Variants in WDR73 observed in about 807,000 individuals in gnomAD.
The protein encoded by WDR73 is WD repeat domain 73.
Under a neutral mutation model 38.2 loss-of-function variants are expected in WDR73, and 30 were observed. That is an observed-to-expected ratio of 0.79 (90% CI 0.59 to 1.06). The LOEUF is 1.06. Among genes scored for constraint, WDR73 ranks in the 50% least tolerant of loss-of-function variants. The pLI is 0.00. For missense variants in WDR73, 487 were observed against 467.0 expected, an observed-to-expected ratio of 1.04 and a Z score of -0.40; for synonymous variants, 197 against 176.0, an observed-to-expected ratio of 1.12 and a Z score of -0.94.
intron 3 of WDR73, among the ~76,000 whole-genome samples, chr15:84,649,860 C>T (rs1896572254): frequency 6.6e-6 from 1 of 152,166 alleles, no homozygotes; most frequent in Non-Finnish European, 1.5e-5. Flanking sequence ...TCCACCGCCT[C>T]AGCTTCAAAA....
At chr15:84,647,438 T>G (rs1896496970) in intron 5 of WDR73, 1 of 165,718 alleles carries the variant, frequency 6.0e-6, no homozygotes, top group Non-Finnish European at 1.3e-5. Context: ...CATGCTATGG[T>G]TGCTAATTCA....
chr15:84,648,805 T>G (rs548802458), intron 3 of WDR73, among the ~76,000 whole-genome samples, 180 bp from the exon 4 acceptor site: 15 of 152,306 alleles, frequency 9.8e-5, no homozygotes, highest in African/African-American at 3.6e-4. Flanking sequence ...ACGTACAGCT[T>G]CCTTTTTCCT....
In WDR73 at chr15:84,642,615, TACC is replaced by T. The variant is rs1896297130; in HGVS notation, c.*852_*854del. On this transcript the variant is annotated 3_prime_UTR_variant, in exon 8 of 8. Coordinates refer to ENST00000434634, the MANE Select transcript of WDR73 (RefSeq NM_032856.5). ...TTGAATAGCTGGGACTGCAGGCTCATACCACCACAACCAGCTAACTTGTATTTT... is the reference window on the plus strand; with the variant it reads ...TTGAATAGCTGGGACTGCAGGCTCATACCACAACCAGCTAACTTGTATTTT... 1 of 151,830 alleles carries T rather than the reference TACC, an allele frequency of 6.6e-6. No individual in the cohort carries two copies. Among genetic ancestry groups the T allele is most frequent in the African/African-American group, 2.4e-5 (1 of 41,268 alleles). 9.4% of individuals were successfully genotyped at this position (151,830 alleles called of 1,614,324 possible).
intron 7 of WDR73, chr15:84,645,219 A>G: frequency 7.3e-7 from 1 of 1,377,550 alleles, no homozygotes; most frequent in Non-Finnish European, 9.4e-7. Flanking sequence ...TACTGTCTGC[A>G]GGCCCCTCCA....
rs1213919990 is a variant in WDR73 at position 84,640,094 on chromosome 15, G to A, written c.*3376C>T. 2 of 152,116 alleles carry A rather than the reference G, an allele frequency of 1.3e-5. No individual in the cohort carries two copies. The highest frequency in any genetic ancestry group is 2.4e-5 in the African/African-American group (1 of 41,388). 9.4% of individuals were successfully genotyped at this position (152,116 alleles called of 1,614,324 possible). A position where few individuals can be genotyped will look rare whatever the true frequency, so the allele number is the denominator to read the frequency against. On this transcript the variant is annotated 3_prime_UTR_variant, in exon 8 of 8. Coordinates refer to ENST00000434634, the MANE Select transcript of WDR73 (RefSeq NM_032856.5). ...TAGCACTAGAAGATGTGGCGGGATG[G>A]TAATGAAATAGTGGAGGAGTCTCAA...
intron 1 of WDR73, 156 bp from the exon 2 acceptor site, chr15:84,653,855 G>C: frequency 1.5e-6 from 1 of 673,912 alleles, no homozygotes. Context: ...TCTGGGACCA[G>C]GCCAGTCCCT....
Position 84,652,759 on chromosome 15 carries a change from A to G in WDR73, c.153T>C (p.Ile51=). The part of the protein sequence containing the change: ...AGYESLKKNE[I]LHLKLPLRLS... ...GTCTGAGAGGTAATTTCAGATGAAG[A>G]ATTTCATTCTTTTTCAGGCTTTCAT... The change falls in exon 3 of 8, where the codon ATT becomes ATC. Residue 51 remains isoleucine, a synonymous_variant. Coordinates refer to ENST00000434634, the MANE Select transcript of WDR73 (RefSeq NM_032856.5). The G allele has an allele frequency of 6.5e-7, 1 of 1,540,286 alleles. No homozygotes were observed.
Position 84,640,198 on chromosome 15 carries a change from C to T in WDR73, c.*3272G>A, listed in dbSNP as rs1226491737. 1.3e-5 allele frequency: 2 copies of T among 152,166 alleles called. No individual in the cohort carries two copies. The highest frequency in any genetic ancestry group is 2.9e-5 in the Non-Finnish European group (2 of 68,068). 9.4% of individuals were successfully genotyped at this position (152,166 alleles called of 1,614,324 possible). ...CTCTCCCCCACAATGGACCTCAGAGCAGTGGGAGCGACGCAGTCCTGTGGG... is the reference window on the plus strand; with the variant it reads ...CTCTCCCCCACAATGGACCTCAGAGTAGTGGGAGCGACGCAGTCCTGTGGG... On this transcript the variant is annotated 3_prime_UTR_variant, in exon 8 of 8. Coordinates refer to ENST00000434634, the MANE Select transcript of WDR73 (RefSeq NM_032856.5).
rs75224160 is a variant in WDR73, at chr15:84,651,593, T to A, written c.198+1121A>T. On this transcript the variant is annotated intron_variant, in intron 3 of 7. Coordinates refer to ENST00000434634, the MANE Select transcript of WDR73 (RefSeq NM_032856.5). ...TCTATTCCTGGAAGCAGGAGCGTGT[T>A]CCCTGTGATATTCCCTCATTTTCAC... is the stretch of plus-strand genomic sequence containing the variant. Among the ~76,000 whole-genome samples the A allele has an allele frequency of 4.6e-4, 70 of 152,274 alleles. No homozygotes were observed. The East Asian group carries it at 8.9e-3, about 19-fold the overall frequency.
rs185538375 is a variant in WDR73, at chr15:84,643,481, C to T, written c.1126G>A (p.Ala376Thr). ...GAAAGATGCTGGTGTCAGCGGGGGG[C>T]ACAAAGGTCCACCCAGTCCCACACA... ...LHVWDWVDLCAPR is the reference protein window; with the variant it reads ...LHVWDWVDLCTPR Residue 376 changes from alanine (A) to threonine (T), a missense_variant, in exon 8 of 8, where the codon GCC becomes ACC. Physicochemically the swap from Ala to Thr is moderately conservative, Grantham distance 58 (BLOSUM62 0). Transcript: ENST00000434634. 9 of 1,556,502 alleles carry T rather than the reference C, an allele frequency of 5.8e-6. No homozygotes were observed. The highest frequency in any genetic ancestry group is 2.7e-5 in the African/African-American group (2 of 73,402).
At chr15:84,650,651 C>T (rs569215806) in intron 3 of WDR73, among the ~76,000 whole-genome samples, 1 of 152,148 alleles carries the variant, frequency 6.6e-6, no homozygotes, top group South Asian at 2.1e-4. Flanking sequence ...GAGCCACGCG[C>T]CTGGCCAAAT....
At chr15:84,650,592 C>G (rs1223906290) in intron 3 of WDR73, among the ~76,000 whole-genome samples, 2 of 152,104 alleles carry the variant, frequency 1.3e-5, no homozygotes, top group Non-Finnish European at 2.9e-5. Context: ...AACTCCTGAC[C>G]TTGTGATCCG....
intron 3 of WDR73, among the ~76,000 whole-genome samples, chr15:84,650,362 T>G (rs1049922641): frequency 6.6e-6 from 1 of 151,062 alleles, no homozygotes; most frequent in South Asian, 2.1e-4. Flanking sequence ...TAATTTTCTT[T>G]TTCTTTTTCT....
Position 84,645,660 on chromosome 15 carries a change from T to C in WDR73, c.694A>G (p.Ser232Gly). 6.2e-7 allele frequency: 1 copy of C among 1,608,674 alleles called. No individual in the cohort carries two copies. The highest frequency in any genetic ancestry group is 8.5e-7 in the Non-Finnish European group (1 of 1,177,726). ...CTGGGCCCAGGGCCCTGGCCCCAGC[T>C]CCCAACTTCAGCACACCATCTCTCT... The part of the protein sequence containing the change: ...GGERWCAEVG[S>G]WGQGPGPSIA... Residue 232 changes from serine (S) to glycine (G), a missense_variant, in exon 7 of 8, where the codon AGC (serine) becomes GGC (glycine). Transcript: ENST00000434634.
intron 3 of WDR73, among the ~76,000 whole-genome samples, chr15:84,651,253 C>T (rs752601782): frequency 2.7e-4 from 41 of 152,174 alleles, no homozygotes; most frequent in African/African-American, 8.2e-4. Context: ...AGTGAAACCT[C>T]ATCTCTACAA....
chr15:84,652,916 A>G (rs1896669326), intron 2 of WDR73, 114 bp from the exon 3 acceptor site: 1 of 600,914 alleles, frequency 1.7e-6, no homozygotes, highest in Non-Finnish European at 2.9e-6. Context: ...GGAGGAATTG[A>G]GTACCTGGTT....
rs1251960664 is a variant in WDR73 at position 84,645,523 on chromosome 15, C to T, written c.831G>A (p.Glu277=). The change falls in exon 7 of 8, where the codon GAG becomes GAA. Residue 277 remains glutamate (E), a synonymous_variant. Coordinates refer to ENST00000434634, the MANE Select transcript of WDR73 (RefSeq NM_032856.5). The part of the protein sequence containing the change: ...CPVSVPSPDP[E]LLRVTWAPGL... ...CTGGGGCCCAAGTCACTCGCAGCAG[C>T]TCTGGGTCAGGGCTAGGTACGGATA... 6.2e-7 allele frequency: 1 copy of T among 1,612,376 alleles called. No individual in the cohort carries two copies. Among genetic ancestry groups the T allele is most frequent in the Non-Finnish European group, 8.5e-7 (1 of 1,179,220 alleles).
At chr15:84,649,533 G>A (rs1350140490) in intron 3 of WDR73, among the ~76,000 whole-genome samples, 1 of 151,550 alleles carries the variant, frequency 6.6e-6, no homozygotes, top group Non-Finnish European at 1.5e-5. Flanking sequence ...GCAGTGGCGT[G>A]ATCTTGGCTC....
chr15:84,648,130 T>C (rs919890087), intron 4 of WDR73, 176 bp from the exon 5 acceptor site: 4 of 644,068 alleles, frequency 6.2e-6, no homozygotes, highest in Non-Finnish European at 1.1e-5. Context: ...CAATCAACTT[T>C]AGGGAGACTG....
Sources: allele counts gnomAD v4.1 joint callset (sites outside exome capture counted in the v4.1 genomes callset), GRCh38; gene constraint gnomAD v4.1.1; transcripts MANE v1.5; gene names NCBI Gene and HGNC (gene_info 2026-07-23, HGNC 2026-07-21).